The following KMT2C variants were observed in gnomAD, a reference collection of about 807,000 sequenced individuals.
KMT2C encodes the protein lysine methyltransferase 2C.
KMT2C carries 88 observed loss-of-function variants against 507.9 expected under a neutral mutation model. That is an observed-to-expected ratio of 0.17 (90% CI 0.15 to 0.21). The LOEUF is 0.21. Ranked by LOEUF, KMT2C falls within the 10% of genes least tolerant of loss-of-function variation. The probability of loss-of-function intolerance (pLI) is 1.00; values close to 1 mark genes in which losing one functional copy is unlikely to be tolerated. For missense variants in KMT2C, 4,954 were observed against 5,957.8 expected (o/e 0.83, Z 5.55); for synonymous variants, 2,049 against 2,080.8 (o/e 0.98, Z 0.42).
chr7:152,207,193 A>G, intron 24 of KMT2C, 107 bp downstream of exon 24: 1 of 1,087,746 alleles, frequency 9.2e-7, no homozygotes, highest in Non-Finnish European at 1.3e-6. Context: ...TTGTTTAGAC[A>G]GTTCTGAAGC....
intron 1 of KMT2C, among the ~76,000 whole-genome samples, chr7:152,383,136 G>T (rs1427890744): frequency 1.5e-5 from 2 of 137,318 alleles, no homozygotes; most frequent in Non-Finnish European, 3.3e-5. Context: ...TATATAATTT[G>T]TGTGTGTGTG....
At chr7:152,141,712 C>CAAAAAAAAAAAAAAAAAAAA (rs1249621681) in intron 55 of KMT2C, among the ~76,000 whole-genome samples, 2 of 61,882 alleles carry the variant, frequency 3.2e-5, no homozygotes, top group African/African-American at 1.2e-4. Context: ...GACTCTGTCT[C>CAAAAAAAAAAAAAAAAAAAA]AAAAAAAAAA....
intron 7 of KMT2C, among the ~76,000 whole-genome samples, chr7:152,268,252 C>G (rs1186844263): frequency 2.0e-5 from 3 of 151,992 alleles, no homozygotes; most frequent in African/African-American, 7.3e-5. Flanking sequence ...GCACTCCAGC[C>G]TGGGGGACAG....
chr7:152,202,347 A>T (rs1401571033), intron 26 of KMT2C, among the ~76,000 whole-genome samples: 1 of 152,200 alleles, frequency 6.6e-6, no homozygotes, highest in South Asian at 2.1e-4. Flanking sequence ...CATGGCCTTA[A>T]ACTCTGACTT....
intron 1 of KMT2C, among the ~76,000 whole-genome samples, chr7:152,366,121 T>C (rs2097241465): frequency 6.6e-6 from 1 of 152,094 alleles, no homozygotes; most frequent in Non-Finnish European, 1.5e-5. Flanking sequence ...GTGGAGAAAC[T>C]GAAACACTAG....
Position 152,261,806 on chromosome 7 carries a change from A to T in KMT2C, c.1299+1210T>A, listed in dbSNP as rs529811302. 2.0e-5 allele frequency among the ~76,000 whole-genome samples: 3 copies of T among 152,322 alleles called. No homozygotes were observed. The East Asian group carries it at 5.8e-4, about 29-fold the overall frequency. Reference sequence around the variant, plus strand: ...TGAAGATAAGAGTGTAAATATACAAATCAGTCAAATAGCAGAGTTTTTCCT... The same window carrying T: ...TGAAGATAAGAGTGTAAATATACAATTCAGTCAAATAGCAGAGTTTTTCCT... On this transcript the variant is annotated intron_variant, in intron 9 of 58. Coordinates refer to ENST00000262189, the MANE Select transcript of KMT2C (RefSeq NM_170606.3).
chr7:152,271,374 C>T (rs13242976), intron 7 of KMT2C, among the ~76,000 whole-genome samples: 16,329 of 151,896 alleles, frequency 0.11, 2,111 homozygotes, highest in African/African-American at 0.31. Flanking sequence ...GAATGCACTG[C>T]TTAAGATCCC....
chr7:152,229,443 G>T (rs1452984782), intron 18 of KMT2C, among the ~76,000 whole-genome samples: 1 of 152,158 alleles, frequency 6.6e-6, no homozygotes, highest in Admixed American at 6.5e-5. Flanking sequence ...AGTGAGCAGC[G>T]CTGACTCTCG....
Position 152,181,242 on chromosome 7 carries a change from A to C in KMT2C, c.6618T>G (p.Pro2206=). ...AAATTCCAGGTCTTGGTGTTCCAGG[A>C]GGATGAGCATATGGATCAGAATGCC... The part of the protein sequence containing the change: ...NQRHSDPYAH[P]PGTPRPGISV... The change falls in exon 36 of 59, where the codon CCT becomes CCG. Residue 2206 remains proline, a synonymous_variant. Coordinates refer to ENST00000262189, the MANE Select transcript of KMT2C (RefSeq NM_170606.3). 6.2e-7 allele frequency: 1 copy of C among 1,614,140 alleles called. No homozygotes were observed. The highest frequency in any genetic ancestry group is 1.1e-5 in the South Asian group (1 of 91,078).
rs2129129698 is a variant in KMT2C, at chr7:152,194,526, G to T, written c.4421C>A (p.Pro1474Gln). The T allele has an allele frequency of 6.2e-7, 1 of 1,612,704 alleles. No individual in the cohort carries two copies. The highest frequency in any genetic ancestry group is 1.1e-5 in the South Asian group (1 of 91,020). The stretch of plus-strand genomic sequence containing the variant: ...TGGTCGTGAACTCTGATTGACATTT[G>T]GCTGAGGCAAAGAGGAAGGATCATC... ...VTDDPSSLPQPNVNQSSRPLS... is the reference protein window; with the variant it reads ...VTDDPSSLPQQNVNQSSRPLS... The change falls in exon 29 of 59, where the codon CCA (proline) becomes CAA (glutamine). Residue 1474 changes from proline to glutamine, a missense_variant. By Grantham distance (76) the Pro-to-Gln change is moderately conservative. This residue lies in a region of KMT2C where 140 missense variants were observed against 118.4 expected (regional missense o/e 1.18). Transcript: ENST00000262189.
chr7:152,368,375 AAAG>A (rs1328096104), intron 1 of KMT2C: 14 of 1,109,178 alleles, frequency 1.3e-5, no homozygotes, highest in Non-Finnish European at 1.9e-5. Context: ...ATGGAAGAAG[AAAG>A]AAGGGAGTAT....
chr7:152,389,084 G>A lies in KMT2C; in HGVS notation c.162-30409C>T, dbSNP rs139704509. Among the ~76,000 whole-genome samples the A allele has an allele frequency of 1.4e-4, 21 of 151,744 alleles. No individual in the cohort carries two copies. In the East Asian group the frequency reaches 2.7e-3, roughly 20 times the overall value. On this transcript the variant is annotated intron_variant, in intron 1 of 58. Coordinates refer to ENST00000262189, the MANE Select transcript of KMT2C (RefSeq NM_170606.3). ...TTTTTAGTAGAGATGGGGTTTCACCGTGTTAGCAAGGATAGTCTCGACCTC... is the reference window on the plus strand; with the variant it reads ...TTTTTAGTAGAGATGGGGTTTCACCATGTTAGCAAGGATAGTCTCGACCTC...
intron 6 of KMT2C, among the ~76,000 whole-genome samples, chr7:152,308,079 A>G (rs1312507254): frequency 6.6e-6 from 1 of 152,204 alleles, no homozygotes; most frequent in African/African-American, 2.4e-5. Context: ...TTATGCATTA[A>G]ACTGTTCAAA....
intron 13 of KMT2C, among the ~76,000 whole-genome samples, chr7:152,249,103 T>C (rs1484171692): frequency 1.3e-5 from 2 of 152,200 alleles, no homozygotes; most frequent in Non-Finnish European, 2.9e-5. Flanking sequence ...AAAATATTCT[T>C]TGGATATAAT....
In KMT2C at chr7:152,197,626, A is replaced by T. The variant is rs760136716; in HGVS notation, c.4274-1615T>A. Among the ~76,000 whole-genome samples, 91 of 152,282 alleles carry T rather than the reference A, an allele frequency of 6.0e-4. 2 individuals are homozygous for T. In the Middle Eastern group the frequency reaches 0.027, roughly 46 times the overall value. The stretch of plus-strand genomic sequence containing the variant: ...GAGTCATATAGCAGTTTTTTGTTTT[A>T]AAGTAATGGAATTCTACTATACAAT... On this transcript the variant is annotated intron_variant, in intron 27 of 58. Coordinates refer to ENST00000262189, the MANE Select transcript of KMT2C (RefSeq NM_170606.3).
chr7:152,410,395 G>A (rs535296554), intron 1 of KMT2C, among the ~76,000 whole-genome samples: 8 of 148,370 alleles, frequency 5.4e-5, no homozygotes, highest in Admixed American at 1.4e-4. Flanking sequence ...TTGGGCGACG[G>A]AGGAAGACCC....
intron 1 of KMT2C, among the ~76,000 whole-genome samples, chr7:152,419,643 T>A (rs1200814665): frequency 1.3e-5 from 2 of 152,194 alleles, no homozygotes; most frequent in East Asian, 3.8e-4. Context: ...ACAGTTAATA[T>A]TCAAAATGCC....
At chr7:152,318,626 CAA>C (rs67446037) in intron 3 of KMT2C, among the ~76,000 whole-genome samples, 1,833 of 54,268 alleles carry the variant, frequency 0.034, 21 homozygotes, top group African/African-American at 0.11. Flanking sequence ...GACTCCATCT[CAA>C]AAAAAAAAAA....
At chr7:152,396,033 T>TG (rs1421849437) in intron 1 of KMT2C, among the ~76,000 whole-genome samples, 4 of 152,204 alleles carry the variant, frequency 2.6e-5, no homozygotes, top group South Asian at 4.1e-4. Context: ...CTCAGAAGAC[T>TG]GAGCTACAAA....
Sources: allele counts gnomAD v4.1 joint callset (sites outside exome capture counted in the v4.1 genomes callset), GRCh38; gene constraint gnomAD v4.1.1; regional missense constraint gnomAD v4.1.1; transcripts MANE v1.5; gene names NCBI Gene and HGNC (gene_info 2026-07-23, HGNC 2026-07-21).